The following DLG2 variants were observed in gnomAD, a reference collection of about 807,000 sequenced individuals.
DLG2 encodes the protein disks large homolog 2.
Under a neutral mutation model 132.5 loss-of-function variants are expected in DLG2, and 45 were observed. That is an observed-to-expected ratio of 0.34 (90% confidence interval 0.27 to 0.44). The LOEUF is 0.44. DLG2 is among the 20% of genes least tolerant of loss of function. DLG2 has a pLI of 1.00. For missense variants in DLG2, 1,045 were observed against 1,196.9 expected (o/e 0.87, Z 1.87); for synonymous variants, 424 against 419.6 (o/e 1.01, Z -0.13).
intron 6 of DLG2, among the ~76,000 whole-genome samples, chr11:84,836,821 C>T (rs2079849512): frequency 6.6e-6 from 1 of 151,692 alleles, no homozygotes; most frequent in Admixed American, 6.6e-5. Flanking sequence ...ATAAACAGGG[C>T]TCTCAAATGA....
At chr11:84,053,946 G>T (rs2096452868) in intron 11 of DLG2, among the ~76,000 whole-genome samples, 1 of 151,578 alleles carries the variant, frequency 6.6e-6, no homozygotes, top group African/African-American at 2.4e-5. Flanking sequence ...AGAGATATGA[G>T]AATTTAAAAA....
At chr11:85,034,780 GA>G (rs1271299409) in intron 6 of DLG2, among the ~76,000 whole-genome samples, 2 of 152,060 alleles carry the variant, frequency 1.3e-5, no homozygotes, top group Admixed American at 6.6e-5. Flanking sequence ...GTGCATGGAG[GA>G]GTAATGTACT....
At chr11:85,377,784 C>CATATATATATATATATATATAT (rs35941912) in intron 3 of DLG2, among the ~76,000 whole-genome samples, 6 of 130,276 alleles carry the variant, frequency 4.6e-5, no homozygotes, top group Non-Finnish European at 6.5e-5. Flanking sequence ...TGTGTGTATA[C>CATATATATATATATATATATAT]ATATATATAT....
intron 7 of DLG2, among the ~76,000 whole-genome samples, chr11:84,446,515 C>T (rs1391560551): frequency 6.6e-6 from 1 of 151,630 alleles, no homozygotes; most frequent in South Asian, 2.1e-4. Context: ...GCACATCCCT[C>T]TTCTAGTTGT....
intron 3 of DLG2, among the ~76,000 whole-genome samples, chr11:85,419,778 C>A (rs1042560295): frequency 1.4e-4 from 21 of 152,206 alleles, no homozygotes; most frequent in African/African-American, 4.6e-4. Context: ...TTTTCAGCTC[C>A]ATTAGGTAAT....
intron 21 of DLG2, among the ~76,000 whole-genome samples, chr11:83,503,201 T>A (rs1185298007): frequency 1.3e-5 from 2 of 150,906 alleles, no homozygotes; most frequent in African/African-American, 4.9e-5. Flanking sequence ...GAGCTAAATA[T>A]TAAATAGACC....
chr11:85,000,214 T>C (rs1429499634), intron 6 of DLG2, among the ~76,000 whole-genome samples: 1 of 152,178 alleles, frequency 6.6e-6, no homozygotes, highest in Non-Finnish European at 1.5e-5. Flanking sequence ...TAACTCATAT[T>C]TGTACAGTAT....
At chr11:84,006,054 T>C (rs149730197) in intron 11 of DLG2, among the ~76,000 whole-genome samples, 496 of 151,942 alleles carry the variant, frequency 3.3e-3, no homozygotes, top group Admixed American at 6.2e-3. Context: ...CTATTCACAA[T>C]AGCAAAGACA....
intron 4 of DLG2, among the ~76,000 whole-genome samples, chr11:85,251,154 C>T (rs1595709268): frequency 1.3e-5 from 2 of 152,284 alleles, no homozygotes; most frequent in Admixed American, 1.3e-4. Flanking sequence ...ATGACATGAA[C>T]ATGTGCTATG....
At chr11:85,291,305 C>T (rs1442976655) in intron 3 of DLG2, among the ~76,000 whole-genome samples, 1 of 152,092 alleles carries the variant, frequency 6.6e-6, no homozygotes, top group Non-Finnish European at 1.5e-5. Flanking sequence ...AACTAGAATG[C>T]CCAATGTGTA....
At chr11:84,581,912 C>CAAAAAAAAAAA (rs780759635) in intron 6 of DLG2, among the ~76,000 whole-genome samples, 2 of 64,980 alleles carry the variant, frequency 3.1e-5, no homozygotes, top group African/African-American at 5.0e-5. Context: ...TCTCAAAAAC[C>CAAAAAAAAAAA]AAAAAAAAAA....
At chr11:83,541,601 T>C in intron 20 of DLG2, 81 bp downstream of exon 20, 2 of 1,256,128 alleles carry the variant, frequency 1.6e-6, no homozygotes, top group Non-Finnish European at 2.1e-6. Context: ...TTGTGAACAG[T>C]TTCTCCCACC....
chr11:84,265,339 C>G (rs1023783945), intron 7 of DLG2, among the ~76,000 whole-genome samples: 1 of 152,050 alleles, frequency 6.6e-6, no homozygotes, highest in Non-Finnish European at 1.5e-5. Flanking sequence ...TGTTAGACTT[C>G]GAACAATGCT....
intron 3 of DLG2, among the ~76,000 whole-genome samples, chr11:85,500,341 T>G (rs1384890855): frequency 8.2e-6 from 1 of 121,842 alleles, no homozygotes; most frequent in Non-Finnish European, 1.5e-5. Flanking sequence ...AATTGAACAA[T>G]GAGATCACAT....
At chr11:85,602,430 T>A (rs2080233269) in intron 2 of DLG2, among the ~76,000 whole-genome samples, 1 of 152,166 alleles carries the variant, frequency 6.6e-6, no homozygotes, top group Non-Finnish European at 1.5e-5. Context: ...TTTGTTTTGT[T>A]TTTTGTTTTC....
At chr11:84,694,026 C>T (rs779713708) in intron 6 of DLG2, among the ~76,000 whole-genome samples, 1 of 151,584 alleles carries the variant, frequency 6.6e-6, no homozygotes, top group Non-Finnish European at 1.5e-5. Context: ...TTCAAATAGA[C>T]CACAGGCCTA....
chr11:83,932,031 C>T (rs2080336421), intron 14 of DLG2, among the ~76,000 whole-genome samples: 1 of 152,124 alleles, frequency 6.6e-6, no homozygotes, highest in Admixed American at 6.5e-5. Flanking sequence ...GATATCACAT[C>T]CAGTTTCTTT....
At chr11:84,902,199 T>A (rs757473040) in intron 6 of DLG2, among the ~76,000 whole-genome samples, 15 of 152,094 alleles carry the variant, frequency 9.9e-5, no homozygotes, top group Non-Finnish European at 1.6e-4. Flanking sequence ...AGTGGCAACA[T>A]ACTTGCTTAC....
intron 16 of DLG2, among the ~76,000 whole-genome samples, chr11:83,850,897 C>G (rs1031507340): frequency 1.3e-5 from 2 of 152,078 alleles, no homozygotes; most frequent in African/African-American, 4.8e-5. Context: ...AATTTTGAGG[C>G]CGGGCGCGGT....
Sources: gnomAD v4.1 joint callset for allele counts (sites outside exome capture counted in the v4.1 genomes callset) on GRCh38, gnomAD v4.1.1 for gene constraint, MANE v1.5 for transcripts, NCBI Gene and HGNC (gene_info 2026-07-23, HGNC 2026-07-21) for gene names.